Variants in PCDHA6 observed in about 807,000 individuals in gnomAD.
PCDHA6 encodes the protein protocadherin alpha 6, also known as protocadherin alpha-6.
A neutral mutation model predicts 60.3 loss-of-function variants in PCDHA6; 55 were observed. The observed-to-expected ratio is 0.91, with a 90% confidence interval of 0.73 to 1.14. PCDHA6 has a LOEUF of 1.14. Ranked by LOEUF, PCDHA6 falls within the 50% of genes most tolerant of loss-of-function variation. PCDHA6 has a pLI of 0.00. For missense variants in PCDHA6, 1,327 were observed against 1,256.5 expected (o/e 1.06, Z -0.85); for synonymous variants, 652 against 557.9 (o/e 1.17, Z -2.38).
In PCDHA6 at chr5:140,967,285, G is replaced by C. The variant is rs150694611; in HGVS notation, c.2395-11664G>C. 6,229 of 1,613,054 alleles carry C rather than the reference G, an allele frequency of 3.9e-3. 11 individuals carry two copies. The highest frequency in any genetic ancestry group is 5.0e-3 in the Non-Finnish European group (5,885 of 1,179,544). On this transcript the variant is annotated intron_variant, in intron 1 of 3. Coordinates refer to ENST00000529310, the MANE Select transcript of PCDHA6 (RefSeq NM_018909.4). Reference sequence around the variant, plus strand: ...CGCGCTTTCACATAGAGAGTGCGCAGGACCCCGACGTGGGCGCCAACTCAG... The same window carrying C: ...CGCGCTTTCACATAGAGAGTGCGCACGACCCCGACGTGGGCGCCAACTCAG...
At chr5:140,978,851 C>T (rs2096826375) in intron 1 of PCDHA6, 98 bp from the exon 2 acceptor site, 2 of 1,578,528 alleles carry the variant, frequency 1.3e-6, no homozygotes, top group South Asian at 2.3e-5. Flanking sequence ...TTTTTAGATG[C>T]CTGGAAATAT....
At chr5:140,948,942 T>TA (rs34363674) in intron 1 of PCDHA6, among the ~76,000 whole-genome samples, 48,005 of 151,444 alleles carry the variant, frequency 0.32, 7,947 homozygotes, top group East Asian at 0.53. Flanking sequence ...TCTTCTAATA[T>TA]AAAAAAATTA....
chr5:140,858,397 C>A, intron 1 of PCDHA6: 1 of 1,573,182 alleles, frequency 6.4e-7, no homozygotes, highest in Non-Finnish European at 8.7e-7. Flanking sequence ...TAGATGTGGA[C>A]GGGGAAGATC....
At chr5:140,842,635 C>G (rs1330338408) in intron 1 of PCDHA6, 3 of 1,590,774 alleles carry the variant, frequency 1.9e-6, no homozygotes, top group South Asian at 1.1e-5. Flanking sequence ...TGTGGGCCAC[C>G]GCCAGCTTGT....
chr5:140,925,082 A>AAAGG (rs138596875), intron 1 of PCDHA6, among the ~76,000 whole-genome samples: 24,812 of 147,244 alleles, frequency 0.17, 2,350 homozygotes, highest in African/African-American at 0.25. Context: ...GCTCATCTGG[A>AAAGG]AAGGAAGGAA....
intron 1 of PCDHA6, chr5:140,866,969 G>A (rs533294537): frequency 6.6e-6 from 1 of 152,230 alleles, no homozygotes; most frequent in South Asian, 2.1e-4. Context: ...GGTGACATCT[G>A]AAATATCACA....
chr5:140,856,484 C>T lies in PCDHA6; in HGVS notation c.2394+25999C>T. 3 of 1,598,366 alleles carry T rather than the reference C, an allele frequency of 1.9e-6. 1 individual carries two copies. The highest frequency in any genetic ancestry group is 2.7e-5 in the African/African-American group (2 of 74,376). The stretch of plus-strand genomic sequence containing the variant: ...AAAGCTCTCAATACCTGAATCCAGA[C>T]TGCTTGACTCTCGATTTCCACTAGA... On this transcript the variant is annotated intron_variant, in intron 1 of 3. Coordinates refer to ENST00000529310, the MANE Select transcript of PCDHA6 (RefSeq NM_018909.4).
chr5:141,009,702 C>T lies in PCDHA6; in HGVS notation c.2618C>T (p.Pro873Leu). 1 of 1,614,056 alleles carries T rather than the reference C, an allele frequency of 6.2e-7. No individual in the cohort carries two copies. The highest frequency in any genetic ancestry group is 8.5e-7 in the Non-Finnish European group (1 of 1,180,028). The change falls in exon 4 of 4, where the codon CCA becomes CTA. Residue 873 changes from proline to leucine, a missense_variant. Transcript: ENST00000529310. ...AACAGCTGGACCTTTAAATACGGAC[C>T]AGGCAACCCCAAACAATCCGGTCCC... is the stretch of plus-strand genomic sequence containing the variant. The part of the protein sequence containing the change: ...NSNSWTFKYG[P>L]GNPKQSGPGE...
chr5:140,966,886 G>T, intron 1 of PCDHA6: 1 of 1,592,132 alleles, frequency 6.3e-7, no homozygotes. Context: ...CTGGCCCTGC[G>T]GCCTCCCAGC....
intron 1 of PCDHA6, chr5:140,853,462 C>A: frequency 1.0e-6 from 1 of 971,970 alleles, no homozygotes; most frequent in Non-Finnish European, 1.2e-6. Context: ...TCCTTATATG[C>A]ATCTGTAGTT....
chr5:140,967,368 A>G (rs2096133589), intron 1 of PCDHA6: 1 of 1,607,738 alleles, frequency 6.2e-7, no homozygotes, highest in Non-Finnish European at 8.5e-7. Flanking sequence ...AAGCCCCTGC[A>G]GGAGAACAGT....
intron 1 of PCDHA6, among the ~76,000 whole-genome samples, chr5:140,955,262 CT>C (rs1165777806): frequency 3.9e-5 from 6 of 152,044 alleles, no homozygotes; most frequent in African/African-American, 1.4e-4. Flanking sequence ...TATAAAGGCT[CT>C]TTTTTGGTTC....
chr5:140,850,259 C>G lies in PCDHA6; in HGVS notation c.2394+19774C>G, dbSNP rs2150476080. The stretch of plus-strand genomic sequence containing the variant: ...TGGTGCTGCGGTCGGTGGGCGCCGG[C>G]GTAGTGGTGGGGAAGGTGCGCGCAG... On this transcript the variant is annotated intron_variant, in intron 1 of 3. Transcript: ENST00000529310. 10 of 1,593,780 alleles carry G rather than the reference C, an allele frequency of 6.3e-6. 1 individual carries two copies. Among genetic ancestry groups the G allele is most frequent in the African/African-American group, 2.7e-5 (2 of 74,102 alleles).
At chr5:140,865,102 A>G (rs1251688673) in intron 1 of PCDHA6, 2 of 152,206 alleles carry the variant, frequency 1.3e-5, no homozygotes, top group Non-Finnish European at 2.9e-5. Context: ...AGGCACTTCC[A>G]CTTGACAATT....
At chr5:140,884,471 G>A (rs2060197778) in intron 1 of PCDHA6, 1 of 1,613,802 alleles carries the variant, frequency 6.2e-7, no homozygotes, top group Non-Finnish European at 8.5e-7. Flanking sequence ...GTGCGCGCCG[G>A]GCAAGCCCAC....
Position 140,828,357 on chromosome 5 carries a change from G to C in PCDHA6, c.266G>C (p.Arg89Pro). ...AATGGCATTTTGTTTGTGAATTCTCGGATCGACCGCGAGGAGCTGTGCGGG... is the reference window on the plus strand; with the variant it reads ...AATGGCATTTTGTTTGTGAATTCTCCGATCGACCGCGAGGAGCTGTGCGGG... ...LQNGILFVNS[R>P]IDREELCGRS... The change falls in exon 1 of 4, where the codon CGG (arginine) becomes CCG (proline). Residue 89 changes from arginine (R) to proline (P), a missense_variant. Transcript: ENST00000529310. 2 of 1,614,242 alleles carry C rather than the reference G, an allele frequency of 1.2e-6. No homozygotes were observed. Among genetic ancestry groups the C allele is most frequent in the Non-Finnish European group, 1.7e-6 (2 of 1,180,038 alleles).
chr5:140,880,090 G>A (rs977793027), intron 1 of PCDHA6, among the ~76,000 whole-genome samples: 3 of 152,136 alleles, frequency 2.0e-5, no homozygotes, highest in Admixed American at 2.0e-4. Context: ...ATTATAGTAG[G>A]CTTAAAATCA....
Position 140,829,746 on chromosome 5 carries a change from A to G in PCDHA6, c.1655A>G (p.Gln552Arg), listed in dbSNP as rs1255016400. Residue 552 changes from glutamine (Q) to arginine (R), a missense_variant, in exon 1 of 4, where the codon CAG becomes CGG. Coordinates refer to ENST00000529310, the MANE Select transcript of PCDHA6 (RefSeq NM_018909.4). ...CCTCTGGGCAGCAACGTGACGCTGC[A>G]GGTGTTCGTGCTGGACGAGAACGAC... ...VPPLGSNVTLQVFVLDENDNA... is the reference protein window; with the variant it reads ...VPPLGSNVTLRVFVLDENDNA... 6.2e-7 allele frequency: 1 copy of G among 1,613,582 alleles called. No homozygotes were observed. The highest frequency in any genetic ancestry group is 8.5e-7 in the Non-Finnish European group (1 of 1,179,876).
intron 1 of PCDHA6, chr5:140,881,309 G>C (rs535656328): frequency 1.0e-6 from 1 of 975,612 alleles, no homozygotes; most frequent in East Asian, 1.1e-4. Context: ...TTAACCTCCT[G>C]GTTAAATTCT....
Sources: allele counts gnomAD v4.1 joint callset (sites outside exome capture counted in the v4.1 genomes callset), GRCh38; gene constraint gnomAD v4.1.1; transcripts MANE v1.5; gene names NCBI Gene and HGNC (gene_info 2026-07-23, HGNC 2026-07-21).